CPSF4: variants seen among roughly 807,000 people sequenced by gnomAD.
CPSF4 encodes the protein cleavage and polyadenylation specific factor 4.
In CPSF4, 11 loss-of-function variants were observed where a neutral mutation model predicts 37.7. The ratio of observed to expected loss-of-function variants is 0.29; its 90% confidence interval spans 0.18 to 0.48. The LOEUF is 0.48. Ranked by LOEUF, CPSF4 falls within the 20% of genes least tolerant of loss-of-function variation. The pLI is 0.99. For missense variants in CPSF4, 144 were observed against 359.5 expected (o/e 0.40, Z 4.85); for synonymous variants, 132 against 135.9 (o/e 0.97, Z 0.20).
intron 1 of CPSF4, 37 bp from the exon 2 acceptor site, chr7:99,444,752 C>T (rs1584492767): frequency 6.3e-7 from 1 of 1,599,248 alleles, no homozygotes; most frequent in Non-Finnish European, 8.6e-7. Context: ...GCAAATTGCA[C>T]CTCTTTGATT....
intron 1 of CPSF4, 75 bp downstream of exon 1, chr7:99,439,260 C>T (rs2150967678): frequency 4.3e-6 from 5 of 1,151,446 alleles, no homozygotes; most frequent in Non-Finnish European, 6.1e-6. Context: ...CCCGGGACTC[C>T]CTCGCCTCGG....
chr7:99,452,735 T>C (rs1351735521), intron 6 of CPSF4: 1 of 341,098 alleles, frequency 2.9e-6, no homozygotes, highest in East Asian at 5.5e-5. Context: ...CAGCAGCGTC[T>C]GCCCCTGGGG....
intron 2 of CPSF4, among the ~76,000 whole-genome samples, chr7:99,445,809 G>A (rs1456393253): frequency 6.6e-6 from 1 of 152,034 alleles, no homozygotes; most frequent in Middle Eastern, 3.2e-3. Flanking sequence ...ACTTGAACCT[G>A]TTAGGCAGAG....
At chr7:99,450,187 TG>T in intron 3 of CPSF4, 88 bp from the exon 4 acceptor site, 1 of 987,996 alleles carries the variant, frequency 1.0e-6, no homozygotes, top group Non-Finnish European at 1.6e-6. Context: ...AGGCCAAAAC[TG>T]GACACCAGAA....
At chr7:99,455,331 C>G (rs146176297) in intron 7 of CPSF4, among the ~76,000 whole-genome samples, 1 of 152,182 alleles carries the variant, frequency 6.6e-6, no homozygotes, top group African/African-American at 2.4e-5. Context: ...GTCCCTCCCC[C>G]AGCCATCATG....
At chr7:99,442,666 A>AAAAAC (rs1797106688) in intron 1 of CPSF4, among the ~76,000 whole-genome samples, 1 of 151,234 alleles carries the variant, frequency 6.6e-6, no homozygotes, top group South Asian at 2.1e-4. Flanking sequence ...AAAAAAAAAA[A>AAAAAC]AAAAAAAAAC....
rs1798078587 is a variant in CPSF4 at position 99,453,523 on chromosome 7, AGAG to A, written c.571-438_571-436del. The A allele has an allele frequency of 6.5e-6, 1 of 153,844 alleles. No homozygotes were observed. The highest frequency in any genetic ancestry group is 2.0e-4 in the South Asian group (1 of 4,972). 9.5% of individuals were successfully genotyped at this position (153,844 alleles called of 1,614,324 possible). On this transcript the variant is annotated intron_variant, in intron 6 of 7. Coordinates refer to ENST00000292476, the MANE Select transcript of CPSF4 (RefSeq NM_006693.4). The surrounding 1 kb of genome is among the most constrained non-coding windows in gnomAD (Gnocchi z 4.7). ...GGCCCTCCTCCTGGTGGGGCTCCCT[AGAG>A]GAGGGTCCTCTCAGCCCGAGAACGC...
At position 99,457,112 on chromosome 7, in the gene CPSF4, C is replaced by T. The variant is rs1053944765; in HGVS notation, c.*612C>T. The stretch of plus-strand genomic sequence containing the variant: ...CTGGGCTTAATTTTCTCTTGGGGTA[C>T]GTGCCTGACAGTGTTTAAGGTGTCC... On this transcript the variant is annotated 3_prime_UTR_variant, in exon 8 of 8. Coordinates refer to ENST00000292476, the MANE Select transcript of CPSF4 (RefSeq NM_006693.4). The T allele has an allele frequency of 9.4e-5, 17 of 180,202 alleles. No homozygotes were observed. The highest frequency in any genetic ancestry group is 7.5e-4 in the Admixed American group (14 of 18,654). 11.2% of individuals were successfully genotyped at this position (180,202 alleles called of 1,614,324 possible). A position where few individuals can be genotyped will look rare whatever the true frequency, so the allele number is the denominator to read the frequency against.
chr7:99,444,501 C>T (rs1797313084), intron 1 of CPSF4, among the ~76,000 whole-genome samples: 1 of 152,100 alleles, frequency 6.6e-6, no homozygotes, highest in Non-Finnish European at 1.5e-5. Context: ...TCCAGCCTTC[C>T]TTTCCCCACC....
chr7:99,450,237 C>T (rs746997319), intron 3 of CPSF4, 39 bp from the exon 4 acceptor site: 14 of 1,538,304 alleles, frequency 9.1e-6, no homozygotes, highest in African/African-American at 1.4e-5. Flanking sequence ...GGCCTGGCCC[C>T]GGCCTTCCCA....
intron 1 of CPSF4, among the ~76,000 whole-genome samples, chr7:99,442,231 G>A (rs1302113878): frequency 1.3e-5 from 2 of 152,208 alleles, no homozygotes; most frequent in Non-Finnish European, 2.9e-5. Context: ...GTTTAGTCTG[G>A]CAGCTGGGGC....
chr7:99,455,688 T>A (rs1798258439), intron 7 of CPSF4, among the ~76,000 whole-genome samples: 1 of 151,528 alleles, frequency 6.6e-6, no homozygotes, highest in East Asian at 1.9e-4. Flanking sequence ...GGCTGCCGTT[T>A]TAGGAGTCAT....
rs769282679 is a variant in CPSF4, at chr7:99,444,802, T to C, written c.117T>C (p.Ala39=). ...PFPGMDKSGA[A]VCEFFLKAAC... ...TCCTTTCTACAGAGTCGGGCGCTGC[T>C]GTCTGTGAATTCTTTTTGAAAGCTG... Residue 39 remains alanine, a synonymous_variant, in exon 2 of 8, where the codon GCT becomes GCC. Coordinates refer to ENST00000292476, the MANE Select transcript of CPSF4 (RefSeq NM_006693.4). 6 of 1,613,734 alleles carry C rather than the reference T, an allele frequency of 3.7e-6. No homozygotes were observed. The highest frequency in any genetic ancestry group is 2.7e-5 in the African/African-American group (2 of 74,932).
At chr7:99,454,231 AAAAC>A in intron 7 of CPSF4, 95 bp downstream of exon 7, 6 of 1,193,080 alleles carry the variant, frequency 5.0e-6, no homozygotes, top group Non-Finnish European at 7.0e-6. Flanking sequence ...GAGAAAAATG[AAAAC>A]ATTCATTTTT....
At chr7:99,444,913 G>T in intron 2 of CPSF4, 74 bp downstream of exon 2, 3 of 1,307,368 alleles carry the variant, frequency 2.3e-6, no homozygotes, top group Non-Finnish European at 2.2e-6. Context: ...AGACTTGGAG[G>T]CCGCCAGGTC....
At chr7:99,443,821 A>G (rs897572149) in intron 1 of CPSF4, among the ~76,000 whole-genome samples, 1 of 152,166 alleles carries the variant, frequency 6.6e-6, no homozygotes, top group African/African-American at 2.4e-5. Flanking sequence ...CAGGAAGCTG[A>G]GGCAGGAGAA....
chr7:99,445,390 G>A (rs537658823), intron 2 of CPSF4, among the ~76,000 whole-genome samples: 1 of 151,672 alleles, frequency 6.6e-6, no homozygotes, highest in Non-Finnish European at 1.5e-5. Context: ...CTCCAGCCTG[G>A]CAACAGAGCA....
chr7:99,452,584 T>A lies in CPSF4; in HGVS notation c.570+144T>A, dbSNP rs1584512156. On this transcript the variant is annotated intron_variant, in intron 6 of 7. Transcript: ENST00000292476. ...AGTCTCCCAAGTTCCCGAAGAAAAG[T>A]CAGGAGCAAAGCCGTGTATATCTCC... The A allele has an allele frequency of 5.5e-6, 4 of 725,704 alleles. No homozygotes were observed. In the East Asian group the frequency reaches 1.0e-4, roughly 19 times the overall value. 45.0% of individuals were successfully genotyped at this position (725,704 alleles called of 1,614,324 possible). A position where few individuals can be genotyped will look rare whatever the true frequency, so the allele number is the denominator to read the frequency against.
At chr7:99,452,490 G>A (rs370068962) in intron 6 of CPSF4, 50 bp downstream of exon 6, 10 of 1,518,810 alleles carry the variant, frequency 6.6e-6, no homozygotes, top group African/African-American at 4.1e-5. Context: ...TTTCTACAGC[G>A]AGAACCTCAG....
Sources: allele counts gnomAD v4.1 joint callset (sites outside exome capture counted in the v4.1 genomes callset), GRCh38; gene constraint gnomAD v4.1.1; non-coding constraint Gnocchi (gnomAD v3.1); transcripts MANE v1.5; gene names NCBI Gene and HGNC (gene_info 2026-07-23, HGNC 2026-07-21).